SOX1: variants seen among roughly 807,000 people sequenced by gnomAD.
SOX1 encodes the protein SRY-box transcription factor 1.
SOX1 carries 1 observed loss-of-function variant against 0.9 expected under a neutral mutation model. That is an observed-to-expected ratio of 1.07 (90% CI 0.38 to 5.06). The LOEUF (loss-of-function observed/expected upper bound fraction) is 5.06. SOX1 is among the 30% of genes most tolerant of loss of function. The pLI is 0.16. For synonymous variants in SOX1, 397 were observed against 265.5 expected (o/e 1.50, Z -4.81); for missense variants, 564 against 534.4 (o/e 1.06, Z -0.55).
rs1875861921 is a variant in SOX1 at position 112,071,107 on chromosome 13, C to T, written c.*2273C>T. 6.6e-6 allele frequency among the ~76,000 whole-genome samples: 1 copy of T among 152,196 alleles called. No individual in the cohort carries two copies. Among genetic ancestry groups the T allele is most frequent in the Non-Finnish European group, 1.5e-5 (1 of 68,040 alleles). On this transcript the variant is annotated 3_prime_UTR_variant, in exon 1 of 1. Transcript: ENST00000330949. ...GAGGGTTTTCTCTGAAATATACAAACTTAAAGGACTCTCTCTGAGGTTCTT... is the reference window on the plus strand; with the variant it reads ...GAGGGTTTTCTCTGAAATATACAAATTTAAAGGACTCTCTCTGAGGTTCTT...
At position 112,067,591 on chromosome 13, in the gene SOX1, C is replaced by A; in HGVS notation, c.-68C>A. 2 of 993,898 alleles carry A rather than the reference C, an allele frequency of 2.0e-6. No individual in the cohort carries two copies. Among genetic ancestry groups the A allele is most frequent in the Non-Finnish European group, 2.6e-6 (2 of 781,738 alleles). The allele number at this position is 993,898 out of a possible 1,614,324, so 61.6% of individuals were successfully genotyped here. A position where few individuals can be genotyped will look rare whatever the true frequency, so the allele number is the denominator to read the frequency against. ...TCCGTCTGAATTCCTCTCCGTCTCC[C>A]TCCCACCCCGGCCGTCTATGCTCCA... On this transcript the variant is annotated 5_prime_UTR_variant, in exon 1 of 1. Coordinates refer to ENST00000330949, the MANE Select transcript of SOX1 (RefSeq NM_005986.3). This position sits in a 1 kb window ranked among gnomAD's most constrained non-coding sequence, Gnocchi z 5.1.
In SOX1 at chr13:112,068,319, G is replaced by C; in HGVS notation, c.661G>C (p.Gly221Arg). The C allele has an allele frequency of 9.2e-7, 1 of 1,084,518 alleles. No homozygotes were observed. The highest frequency in any genetic ancestry group is 1.1e-6 in the Non-Finnish European group (1 of 892,978). The allele number at this position is 1,084,518 out of a possible 1,614,324, so 67.2% of individuals were successfully genotyped here. A position where few individuals can be genotyped will look rare whatever the true frequency, so the allele number is the denominator to read the frequency against. The part of the protein sequence containing the change: ...LAYGQHPGAG[G>R]AHPHAHPAHP... ...CTACGGGCAGCACCCGGGCGCGGGCGGCGCGCACCCGCACGCGCACCCCGC... is the reference window on the plus strand; with the variant it reads ...CTACGGGCAGCACCCGGGCGCGGGCCGCGCGCACCCGCACGCGCACCCCGC... Residue 221 changes from glycine to arginine, a missense_variant, in exon 1 of 1, where the codon GGC becomes CGC. By Grantham distance (125) the Gly-to-Arg change is moderately radical (BLOSUM62 -2). Coordinates refer to ENST00000330949, the MANE Select transcript of SOX1 (RefSeq NM_005986.3). The surrounding 1 kb of genome is among the most constrained non-coding windows in gnomAD (Gnocchi z 6.9).
chr13:112,068,370 G>A lies in SOX1; in HGVS notation c.712G>A (p.Ala238Thr). The A allele has an allele frequency of 7.9e-7, 1 of 1,270,866 alleles. No homozygotes were observed. The highest frequency in any genetic ancestry group is 5.0e-5 in the East Asian group (1 of 20,062). 78.7% of individuals were successfully genotyped at this position (1,270,866 alleles called of 1,614,324 possible). ...GCACCCGCACCCGCACCACCCGCAC[G>A]CGCACCCGCACAACCCGCAGCCCAT... ...PAHPHPHHPH[A>T]HPHNPQPMHR... The change falls in exon 1 of 1, where the codon GCG becomes ACG. Residue 238 changes from alanine (A) to threonine (T), a missense_variant. By Grantham distance (58) the Ala-to-Thr change is moderately conservative (BLOSUM62 0). Transcript: ENST00000330949. This position sits in a 1 kb window ranked among gnomAD's most constrained non-coding sequence, Gnocchi z 6.9.
Position 112,067,937 on chromosome 13 carries a change from C to A in SOX1, c.279C>A (p.Ser93=). The change falls in exon 1 of 1, where the codon TCC becomes TCA. Residue 93 remains serine (S), a synonymous_variant. Coordinates refer to ENST00000330949, the MANE Select transcript of SOX1 (RefSeq NM_005986.3). This position sits in a 1 kb window ranked among gnomAD's most constrained non-coding sequence, Gnocchi z 5.1. ...TGGGGGCCGAGTGGAAGGTCATGTC[C>A]GAGGCCGAGAAGCGGCCGTTCATCG... The part of the protein sequence containing the change: ...KRLGAEWKVM[S]EAEKRPFIDE... The A allele has an allele frequency of 6.2e-7, 1 of 1,607,446 alleles. No homozygotes were observed. The highest frequency in any genetic ancestry group is 8.5e-7 in the Non-Finnish European group (1 of 1,176,608).
rs751319698 is a variant in SOX1 at position 112,067,653 on chromosome 13, G to C, written c.-6G>C. The C allele has an allele frequency of 1.3e-5, 17 of 1,268,802 alleles. No individual in the cohort carries two copies. The allele number at this position is 1,268,802 out of a possible 1,614,324, so 78.6% of individuals were successfully genotyped here. ...CGCGGTGCCGGTGAACCCGCCAGCCGCCCCGATGTACAGCATGATGATGGA... is the reference window on the plus strand; with the variant it reads ...CGCGGTGCCGGTGAACCCGCCAGCCCCCCCGATGTACAGCATGATGATGGA... On this transcript the variant is annotated 5_prime_UTR_variant, in exon 1 of 1. Transcript: ENST00000330949. The surrounding 1 kb of genome is among the most constrained non-coding windows in gnomAD (Gnocchi z 5.1).
chr13:112,068,355 C>A lies in SOX1; in HGVS notation c.697C>A (p.Pro233Thr). The change falls in exon 1 of 1, where the codon CCG (proline) becomes ACG (threonine). Residue 233 changes from proline (P) to threonine (T), a missense_variant. Pro to Thr is a conservative substitution (Grantham distance 38). Transcript: ENST00000330949. The surrounding 1 kb of genome is among the most constrained non-coding windows in gnomAD (Gnocchi z 6.9). ...GCACGCGCACCCCGCGCACCCGCAC[C>A]CGCACCACCCGCACGCGCACCCGCA... ...HPHAHPAHPH[P>T]HHPHAHPHNP... 2 of 1,254,884 alleles carry A rather than the reference C, an allele frequency of 1.6e-6. No individual in the cohort carries two copies. The highest frequency in any genetic ancestry group is 2.0e-6 in the Non-Finnish European group (2 of 979,232). 77.7% of individuals were successfully genotyped at this position (1,254,884 alleles called of 1,614,324 possible).
In SOX1 at chr13:112,068,095, C is replaced by T; in HGVS notation, c.437C>T (p.Ala146Val). 6.6e-7 allele frequency: 1 copy of T among 1,516,198 alleles called. No homozygotes were observed. The allele number at this position is 1,516,198 out of a possible 1,614,324, so 93.9% of individuals were successfully genotyped here. The change falls in exon 1 of 1, where the codon GCG (alanine) becomes GTG (valine). Residue 146 changes from alanine (A) to valine (V), a missense_variant. Ala to Val is a moderately conservative substitution (Grantham distance 64). Transcript: ENST00000330949. This position sits in a 1 kb window ranked among gnomAD's most constrained non-coding sequence, Gnocchi z 6.9. ...SLAGGLLAAGAGGGGAAVAMG... is the reference protein window; with the variant it reads ...SLAGGLLAAGVGGGGAAVAMG... The stretch of plus-strand genomic sequence containing the variant: ...GCCGGCGGGCTCCTGGCGGCCGGCG[C>T]GGGTGGCGGCGGCGCGGCTGTGGCC...
chr13:112,067,862 G>A lies in SOX1; in HGVS notation c.204G>A (p.Lys68=), dbSNP rs1594123460. ...FMVWSRGQRR[K]MAQENPKMHN... The stretch of plus-strand genomic sequence containing the variant: ...TGTGGTCCCGCGGGCAGCGGCGCAA[G>A]ATGGCCCAGGAGAACCCCAAGATGC... The change falls in exon 1 of 1, where the codon AAG becomes AAA. Residue 68 remains lysine, a synonymous_variant. Coordinates refer to ENST00000330949, the MANE Select transcript of SOX1 (RefSeq NM_005986.3). The surrounding 1 kb of genome is among the most constrained non-coding windows in gnomAD (Gnocchi z 5.1). The A allele has an allele frequency of 1.9e-6, 3 of 1,605,568 alleles. No individual in the cohort carries two copies. Among genetic ancestry groups the A allele is most frequent in the Middle Eastern group, 1.7e-4 (1 of 6,048 alleles).
chr13:112,068,510 C>A lies in SOX1; in HGVS notation c.852C>A (p.Ala284=). ...TCCCCTACGGCGCCGCGGCCGCCGC[C>A]GCCGCCGCTGCGGGCGGCGCGCACC... The part of the protein sequence containing the change: ...GGLPYGAAAA[A]AAAAGGAHQN... Residue 284 remains alanine, a synonymous_variant, in exon 1 of 1, where the codon GCC becomes GCA. Transcript: ENST00000330949. This position sits in a 1 kb window ranked among gnomAD's most constrained non-coding sequence, Gnocchi z 6.9. The A allele has an allele frequency of 1.0e-6, 1 of 962,374 alleles. No homozygotes were observed. The highest frequency in any genetic ancestry group is 1.2e-6 in the Non-Finnish European group (1 of 806,250). 59.6% of individuals were successfully genotyped at this position (962,374 alleles called of 1,614,324 possible). A position where few individuals can be genotyped will look rare whatever the true frequency, so the allele number is the denominator to read the frequency against.
chr13:112,070,868 C>G lies in SOX1; in HGVS notation c.*2034C>G, dbSNP rs759328364. On this transcript the variant is annotated 3_prime_UTR_variant, in exon 1 of 1. Transcript: ENST00000330949. ...TAACAAGATAATAAACCCCCCCCCT[C>G]TTTTCTTTTTCTTTATTTTTATTTC... Among the ~76,000 whole-genome samples the G allele has an allele frequency of 7.4e-6, 1 of 135,012 alleles. No homozygotes were observed. The highest frequency in any genetic ancestry group is 1.5e-5 in the Non-Finnish European group (1 of 65,794). The allele number at this position is 135,012 out of a possible 152,430, so 88.6% of individuals were successfully genotyped here.
In SOX1 at chr13:112,068,784, C is replaced by T. The variant is rs1173473863; in HGVS notation, c.1126C>T (p.Gln376Ter). The stretch of plus-strand genomic sequence containing the variant: ...GCTGCACTCGCTGCCGCAGCACTAC[C>T]AGGGCGCGGGCGCGGGCGTGAACGG... The part of the protein sequence containing the change: ...SRLHSLPQHY[Q>*]GAGAGVNGTV... Residue 376 changes from glutamine (Q) to a stop codon, truncating the protein, a stop_gained, in exon 1 of 1, where the codon CAG becomes TAG. Transcript: ENST00000330949. LOFTEE classifies it high-confidence loss of function. The surrounding 1 kb of genome is among the most constrained non-coding windows in gnomAD (Gnocchi z 6.9). 8 of 1,189,074 alleles carry T rather than the reference C, an allele frequency of 6.7e-6. No individual in the cohort carries two copies. The highest frequency in any genetic ancestry group is 8.4e-6 in the Non-Finnish European group (8 of 952,598). The allele number at this position is 1,189,074 out of a possible 1,614,324, so 73.7% of individuals were successfully genotyped here.
Position 112,068,837 on chromosome 13 carries a change from C to A in SOX1, c.*3C>A. On this transcript the variant is annotated 3_prime_UTR_variant, in exon 1 of 1. Transcript: ENST00000330949. The surrounding 1 kb of genome is among the most constrained non-coding windows in gnomAD (Gnocchi z 6.9). ...CGGTGCCCCTGACGCACATCTAGCG[C>A]CTTCGGGACGCCGGGGACTCTGCGG... is the stretch of plus-strand genomic sequence containing the variant. 8.2e-7 allele frequency: 1 copy of A among 1,218,004 alleles called. No individual in the cohort carries two copies. Among genetic ancestry groups the A allele is most frequent in the South Asian group, 3.9e-5 (1 of 25,408 alleles). 75.4% of individuals were successfully genotyped at this position (1,218,004 alleles called of 1,614,324 possible). A position where few individuals can be genotyped will look rare whatever the true frequency, so the allele number is the denominator to read the frequency against.
At position 112,068,617 on chromosome 13, in the gene SOX1, C is replaced by T; in HGVS notation, c.959C>T (p.Ser320Leu). The T allele has an allele frequency of 8.8e-6, 10 of 1,140,066 alleles. No homozygotes were observed. Among genetic ancestry groups the T allele is most frequent in the Non-Finnish European group, 1.1e-5 (10 of 930,548 alleles). 70.6% of individuals were successfully genotyped at this position (1,140,066 alleles called of 1,614,324 possible). A position where few individuals can be genotyped will look rare whatever the true frequency, so the allele number is the denominator to read the frequency against. ...ALGALGSLVK[S>L]EPSGSPPAPA... ...GGCGCGCTGGGCTCTCTGGTGAAGT[C>T]GGAGCCCAGCGGCAGCCCGCCCGCC... The change falls in exon 1 of 1, where the codon TCG (serine) becomes TTG (leucine). Residue 320 changes from serine to leucine, a missense_variant. Coordinates refer to ENST00000330949, the MANE Select transcript of SOX1 (RefSeq NM_005986.3). This position sits in a 1 kb window ranked among gnomAD's most constrained non-coding sequence, Gnocchi z 6.9.
Position 112,070,202 on chromosome 13 carries a change from G to T in SOX1, c.*1368G>T, listed in dbSNP as rs540621640. Reference sequence around the variant, plus strand: ...CCTCCCCCTGGCTTCTTTCTCTTGGGAAAACGGGCAAAATAATTGTGCTGG... The same window carrying T: ...CCTCCCCCTGGCTTCTTTCTCTTGGTAAAACGGGCAAAATAATTGTGCTGG... On this transcript the variant is annotated 3_prime_UTR_variant, in exon 1 of 1. Transcript: ENST00000330949. The T allele has an allele frequency of 6.0e-6, 1 of 166,978 alleles. No individual in the cohort carries two copies. Among genetic ancestry groups the T allele is most frequent in the African/African-American group, 2.4e-5 (1 of 41,404 alleles). The allele number at this position is 166,978 out of a possible 1,614,324, so 10.3% of individuals were successfully genotyped here.
At position 112,068,315 on chromosome 13, in the gene SOX1, G is replaced by C. The variant is rs996021393; in HGVS notation, c.657G>C (p.Ala219=). 138 of 1,077,206 alleles carry C rather than the reference G, an allele frequency of 1.3e-4. No homozygotes were observed. The highest frequency in any genetic ancestry group is 1.5e-4 in the Non-Finnish European group (134 of 888,784). 66.7% of individuals were successfully genotyped at this position (1,077,206 alleles called of 1,614,324 possible). ...TGGCCTACGGGCAGCACCCGGGCGC[G>C]GGCGGCGCGCACCCGCACGCGCACC... ...AQLAYGQHPG[A]GGAHPHAHPA... Residue 219 remains alanine, a synonymous_variant, in exon 1 of 1, where the codon GCG becomes GCC. Transcript: ENST00000330949. The surrounding 1 kb of genome is among the most constrained non-coding windows in gnomAD (Gnocchi z 6.9).
rs1210326963 is a variant in SOX1, at chr13:112,070,854, TA to T, written c.*2023del. On this transcript the variant is annotated 3_prime_UTR_variant, in exon 1 of 1. Transcript: ENST00000330949. ...TGTCCACTGCTTTCTAACAAGATAA[TA>T]AACCCCCCCCCTCTTTTCTTTTTCT... 5.6e-5 allele frequency among the ~76,000 whole-genome samples: 8 copies of T among 143,982 alleles called. No individual in the cohort carries two copies. The highest frequency in any genetic ancestry group is 3.7e-3 in the Middle Eastern group (1 of 268). 94.5% of individuals were successfully genotyped at this position (143,982 alleles called of 152,430 possible).
chr13:112,067,725 T>C lies in SOX1; in HGVS notation c.67T>C (p.Ser23Pro), dbSNP rs1275895703. Residue 23 changes from serine to proline, a missense_variant, in exon 1 of 1, where the codon TCG becomes CCG. Coordinates refer to ENST00000330949, the MANE Select transcript of SOX1 (RefSeq NM_005986.3). The surrounding 1 kb of genome is among the most constrained non-coding windows in gnomAD (Gnocchi z 5.1). ...CGGCGCCCAGGCCCCCACGAACCTCTCGGGCCCCGCCGGGGCGGGCGGCGG... is the reference window on the plus strand; with the variant it reads ...CGGCGCCCAGGCCCCCACGAACCTCCCGGGCCCCGCCGGGGCGGGCGGCGG... The part of the protein sequence containing the change: ...PGGAQAPTNL[S>P]GPAGAGGGGG... 5.5e-6 allele frequency: 7 copies of C among 1,262,618 alleles called. No individual in the cohort carries two copies. The highest frequency in any genetic ancestry group is 7.0e-6 in the Non-Finnish European group (7 of 998,418). The allele number at this position is 1,262,618 out of a possible 1,614,324, so 78.2% of individuals were successfully genotyped here.
Position 112,070,998 on chromosome 13 carries a change from A to G in SOX1, c.*2164A>G, listed in dbSNP as rs1016484232. On this transcript the variant is annotated 3_prime_UTR_variant, in exon 1 of 1. Coordinates refer to ENST00000330949, the MANE Select transcript of SOX1 (RefSeq NM_005986.3). ...CTTAGTCCGGGATAAGGGCCTCCCC[A>G]GTCCTCTCCGGGAGATGATTTGGGA... is the stretch of plus-strand genomic sequence containing the variant. 6.6e-6 allele frequency among the ~76,000 whole-genome samples: 1 copy of G among 152,200 alleles called. No individual in the cohort carries two copies. The highest frequency in any genetic ancestry group is 1.5e-5 in the Non-Finnish European group (1 of 68,052).
Position 112,067,221 on chromosome 13 carries a change from C to T in SOX1, c.-438C>T, listed in dbSNP as rs1880738664. 1.3e-5 allele frequency among the ~76,000 whole-genome samples: 2 copies of T among 152,002 alleles called. No homozygotes were observed. Among genetic ancestry groups the T allele is most frequent in the African/African-American group, 4.8e-5 (2 of 41,406 alleles). ...CCTCCGAGTTGGAGGCCGCTGAGGA[C>T]CGAGCGCAGGAGGAAGGAGACAGCG... is the stretch of plus-strand genomic sequence containing the variant. On this transcript the variant is annotated 5_prime_UTR_variant, in exon 1 of 1. Transcript: ENST00000330949. The surrounding 1 kb of genome is among the most constrained non-coding windows in gnomAD (Gnocchi z 5.1).
Sources: gnomAD v4.1 joint callset for allele counts (sites outside exome capture counted in the v4.1 genomes callset) on GRCh38, gnomAD v4.1.1 for gene constraint, Gnocchi (gnomAD v3.1) non-coding constraint, MANE v1.5 for transcripts, NCBI Gene and HGNC (gene_info 2026-07-23, HGNC 2026-07-21) for gene names.